Variants in MTHFD2L observed in about 807,000 individuals in gnomAD.
MTHFD2L encodes the protein bifunctional methylenetetrahydrofolate dehydrogenase/cyclohydrolase 2, mitochondrial.
A neutral mutation model predicts 34.9 loss-of-function variants in MTHFD2L; 29 were observed. The ratio of observed to expected loss-of-function variants is 0.83; its 90% CI spans 0.62 to 1.13. The LOEUF is 1.13. Ranked by LOEUF, MTHFD2L falls within the 50% of genes most tolerant of loss-of-function variation. MTHFD2L has a pLI of 0.00. For missense variants in MTHFD2L, 481 were observed against 446.5 expected, an observed-to-expected ratio of 1.08 and a Z score of -0.70; for synonymous variants, 167 against 155.7, an observed-to-expected ratio of 1.07 and a Z score of -0.54.
chr4:74,218,275 T>A (rs1737540878), intron 5 of MTHFD2L, among the ~76,000 whole-genome samples: 1 of 152,116 alleles, frequency 6.6e-6, no homozygotes, highest in Non-Finnish European at 1.5e-5. Flanking sequence ...GCTGTAGAGT[T>A]GCATAGGAAA....
At chr4:74,240,238 A>G (rs1741501036) in intron 6 of MTHFD2L, among the ~76,000 whole-genome samples, 2 of 152,234 alleles carry the variant, frequency 1.3e-5, no homozygotes, top group Non-Finnish European at 1.5e-5. Context: ...AGAATTAGAT[A>G]GTAAACATAA....
At chr4:74,194,725 A>G (rs1276533808) in intron 3 of MTHFD2L, 1 of 152,232 alleles carries the variant, frequency 6.6e-6, no homozygotes, top group East Asian at 1.9e-4. Flanking sequence ...ACCTGTGCCA[A>G]TCACTGAGTT....
At chr4:74,143,531 C>A in intron 1 of MTHFD2L, 1 of 680,928 alleles carries the variant, frequency 1.5e-6, no homozygotes, top group Non-Finnish European at 1.8e-6. Context: ...GCACGGTTCC[C>A]TGGAACCCAT....
intron 3 of MTHFD2L, chr4:74,194,336 A>G (rs1450601413): frequency 6.6e-6 from 1 of 152,220 alleles, no homozygotes; most frequent in Admixed American, 6.5e-5. Context: ...TCCAAATTCT[A>G]GCTGTCCTGT....
intron 3 of MTHFD2L, among the ~76,000 whole-genome samples, chr4:74,196,110 A>T (rs1205416227): frequency 3.9e-5 from 6 of 152,230 alleles, no homozygotes; most frequent in African/African-American, 1.4e-4. Flanking sequence ...GCTCACATTC[A>T]TAAATGATAG....
chr4:74,219,775 T>C (rs757975190), intron 5 of MTHFD2L, among the ~76,000 whole-genome samples: 5 of 152,118 alleles, frequency 3.3e-5, no homozygotes, highest in Non-Finnish European at 7.4e-5. Context: ...TGCCTTTCCA[T>C]GGTTAATATT....
chr4:74,139,667 A>C (rs1723160716), intron 1 of MTHFD2L, among the ~76,000 whole-genome samples: 1 of 152,084 alleles, frequency 6.6e-6, no homozygotes, highest in Non-Finnish European at 1.5e-5. Flanking sequence ...AGTTTTTTTC[A>C]CTTCTTTGTG....
intron 6 of MTHFD2L, among the ~76,000 whole-genome samples, chr4:74,245,056 G>A (rs956355973): frequency 4.0e-5 from 6 of 151,776 alleles, no homozygotes; most frequent in South Asian, 2.1e-4. Context: ...TTAGCGAGGC[G>A]TCGTGGCAGG....
At chr4:74,142,829 T>A (rs1217753918) in intron 1 of MTHFD2L, among the ~76,000 whole-genome samples, 1 of 152,162 alleles carries the variant, frequency 6.6e-6, no homozygotes, top group Non-Finnish European at 1.5e-5. Context: ...TGGGTCAGTC[T>A]TGGACAAAAA....
At chr4:74,251,186 T>G (rs1743259730) in intron 6 of MTHFD2L, among the ~76,000 whole-genome samples, 1 of 152,202 alleles carries the variant, frequency 6.6e-6, no homozygotes, top group African/African-American at 2.4e-5. Context: ...TTCTGTCATG[T>G]TCATTTCTCC....
intron 6 of MTHFD2L, among the ~76,000 whole-genome samples, chr4:74,260,395 G>C (rs1295600577): frequency 6.6e-6 from 1 of 151,972 alleles, no homozygotes; most frequent in African/African-American, 2.4e-5. Flanking sequence ...TGTCTCTCTT[G>C]GTGCAAGAAG....
intron 1 of MTHFD2L, among the ~76,000 whole-genome samples, chr4:74,138,064 T>A (rs1301305640): frequency 6.6e-6 from 1 of 151,698 alleles, no homozygotes; most frequent in Non-Finnish European, 1.5e-5. Context: ...TTTATATATA[T>A]ATATATACAC....
chr4:74,243,757 G>T (rs1026703263), intron 6 of MTHFD2L, among the ~76,000 whole-genome samples: 1 of 152,110 alleles, frequency 6.6e-6, no homozygotes, highest in Admixed American at 6.6e-5. Flanking sequence ...TTGCAGGCAA[G>T]GTAACAGAGC....
intron 6 of MTHFD2L, among the ~76,000 whole-genome samples, chr4:74,261,860 C>G (rs1744718286): frequency 6.6e-6 from 1 of 151,988 alleles, no homozygotes. Flanking sequence ...TTCCTTACCT[C>G]CGAAGTAGGG....
At position 74,273,388 on chromosome 4, in the gene MTHFD2L, T is replaced by C. The variant is rs1560550285; in HGVS notation, c.806-8037T>C. The stretch of plus-strand genomic sequence containing the variant: ...AGGCCATTAAGTTTGTGTTGAAGTT[T>C]GAAGGAATCTAAAAGAGATTAAGTA... On this transcript the variant is annotated intron_variant, in intron 6 of 7. Coordinates refer to ENST00000325278, the MANE Select transcript of MTHFD2L (RefSeq NM_001144978.3). Among the ~76,000 whole-genome samples, 3 of 152,308 alleles carry C rather than the reference T, an allele frequency of 2.0e-5. No individual in the cohort carries two copies. The South Asian group carries it at 6.2e-4, about 32-fold the overall frequency.
chr4:74,162,713 C>T (rs1725727953), intron 1 of MTHFD2L, among the ~76,000 whole-genome samples: 1 of 152,064 alleles, frequency 6.6e-6, no homozygotes, highest in Non-Finnish European at 1.5e-5. Context: ...TAGATAGACA[C>T]TATTACTATT....
At chr4:74,204,916 A>G (rs1047314923) in intron 5 of MTHFD2L, among the ~76,000 whole-genome samples, 1 of 152,182 alleles carries the variant, frequency 6.6e-6, no homozygotes, top group Non-Finnish European at 1.5e-5. Flanking sequence ...AAAAACAAAA[A>G]CATATATACT....
intron 6 of MTHFD2L, among the ~76,000 whole-genome samples, chr4:74,233,217 A>G (rs367834741): frequency 6.6e-5 from 10 of 152,112 alleles, no homozygotes; most frequent in Non-Finnish European, 1.5e-4. Context: ...TACCATTACC[A>G]ATCAGTATAC....
At chr4:74,244,283 C>T (rs1026607932) in intron 6 of MTHFD2L, among the ~76,000 whole-genome samples, 1 of 152,126 alleles carries the variant, frequency 6.6e-6, no homozygotes, top group Non-Finnish European at 1.5e-5. Context: ...GTAGTCTTCA[C>T]TTGGGGGTAG....
Sources: allele counts gnomAD v4.1 joint callset (sites outside exome capture counted in the v4.1 genomes callset), GRCh38; gene constraint gnomAD v4.1.1; transcripts MANE v1.5; gene names NCBI Gene and HGNC (gene_info 2026-07-23, HGNC 2026-07-21).